The following CATSPERE variants were observed in gnomAD, a reference collection of about 807,000 sequenced individuals.
The protein encoded by CATSPERE is catsper channel auxiliary subunit epsilon, also known as cation channel sperm-associated auxiliary subunit epsilon.
Under a neutral mutation model 114.1 loss-of-function variants are expected in CATSPERE, and 93 were observed. The ratio of observed to expected loss-of-function variants is 0.81; its 90% CI spans 0.69 to 0.97. The LOEUF is 0.97. Ranked by LOEUF, CATSPERE falls within the 50% of genes least tolerant of loss-of-function variation. The pLI is 0.00. For synonymous variants in CATSPERE, 341 were observed against 384.1 expected, an observed-to-expected ratio of 0.89 and a Z score of 1.31; for missense variants, 1,058 against 1,131.6, an observed-to-expected ratio of 0.93 and a Z score of 0.93.
intron 10 of CATSPERE, among the ~76,000 whole-genome samples, chr1:244,569,012 G>A (rs1664037088): frequency 6.6e-6 from 1 of 152,214 alleles, no homozygotes; most frequent in Non-Finnish European, 1.5e-5. Flanking sequence ...ACCTGAGGGA[G>A]TCTCCTGGTC....
chr1:244,579,787 CTG>C (rs1197713052), intron 11 of CATSPERE, among the ~76,000 whole-genome samples: 1 of 152,164 alleles, frequency 6.6e-6, no homozygotes, highest in African/African-American at 2.4e-5. Flanking sequence ...GTTTTTAAAT[CTG>C]TAATTCTCTC....
chr1:244,528,340 A>G (rs1469258523), intron 8 of CATSPERE, among the ~76,000 whole-genome samples: 1 of 152,224 alleles, frequency 6.6e-6, no homozygotes, highest in Non-Finnish European at 1.5e-5. Flanking sequence ...ACAAAGCAAC[A>G]CTAATCAGTA....
At chr1:244,574,446 T>A (rs1664939512) in intron 11 of CATSPERE, among the ~76,000 whole-genome samples, 1 of 152,154 alleles carries the variant, frequency 6.6e-6, no homozygotes, top group African/African-American at 2.4e-5. Flanking sequence ...CTAACACTTA[T>A]GATTTATTCT....
intron 8 of CATSPERE, among the ~76,000 whole-genome samples, chr1:244,547,335 T>C (rs3003231): frequency 0.87 from 132,241 of 152,062 alleles, 58,486 homozygotes; most frequent in East Asian, 1. Context: ...AGGAGTGCAT[T>C]GAGCTGAAAG....
At chr1:244,541,812 G>T (rs1658799493) in intron 8 of CATSPERE, among the ~76,000 whole-genome samples, 1 of 140,360 alleles carries the variant, frequency 7.1e-6, no homozygotes, top group African/African-American at 2.7e-5. Flanking sequence ...ATACACCATG[G>T]AATACTATGC....
intron 2 of CATSPERE, among the ~76,000 whole-genome samples, chr1:244,466,751 G>C (rs1667658145): frequency 6.6e-6 from 1 of 152,160 alleles, no homozygotes; most frequent in African/African-American, 2.4e-5. Flanking sequence ...TCAAAAAGTT[G>C]CTGTTGCCAC....
intron 8 of CATSPERE, among the ~76,000 whole-genome samples, chr1:244,536,331 G>C (rs1479338684): frequency 6.6e-6 from 1 of 152,054 alleles, no homozygotes; most frequent in East Asian, 1.9e-4. Flanking sequence ...ACTAGATCTT[G>C]CCTAGGAGTT....
intron 8 of CATSPERE, among the ~76,000 whole-genome samples, chr1:244,533,537 T>G (rs1558445744): frequency 6.6e-6 from 1 of 152,134 alleles, no homozygotes; most frequent in South Asian, 2.1e-4. Flanking sequence ...TGTTGTATGT[T>G]ATTTAAGACT....
At chr1:244,594,557 C>T (rs1668137778) in intron 17 of CATSPERE, among the ~76,000 whole-genome samples, 1 of 152,090 alleles carries the variant, frequency 6.6e-6, no homozygotes, top group African/African-American at 2.4e-5. Flanking sequence ...TAGTGAATAT[C>T]CATTCATGTA....
At chr1:244,464,691 A>T (rs1386210676) in intron 2 of CATSPERE, among the ~76,000 whole-genome samples, 1 of 151,746 alleles carries the variant, frequency 6.6e-6, no homozygotes, top group African/African-American at 2.4e-5. Flanking sequence ...TTTTTTTACC[A>T]ATCTCATTAT....
At position 244,551,277 on chromosome 1, in the gene CATSPERE, G is replaced by A. The variant is rs376006613; in HGVS notation, c.537-1045G>A. 7.8e-4 allele frequency among the ~76,000 whole-genome samples: 119 copies of A among 152,274 alleles called. 1 individual carries two copies. The South Asian group carries it at 0.023, about 29-fold the overall frequency. Reference sequence around the variant, plus strand: ...CAAAGCATGAGATCCTGTAAATGGCGGCTAAGAGAGACAGTAATGAAGGGA... The same window carrying A: ...CAAAGCATGAGATCCTGTAAATGGCAGCTAAGAGAGACAGTAATGAAGGGA... On this transcript the variant is annotated intron_variant, in intron 8 of 21. Transcript: ENST00000366534.
At chr1:244,455,773 C>T (rs1666101824) in intron 1 of CATSPERE, among the ~76,000 whole-genome samples, 1 of 151,850 alleles carries the variant, frequency 6.6e-6, no homozygotes, top group Admixed American at 6.6e-5. Context: ...TTGGGAAAAA[C>T]AGGAGGCACC....
At chr1:244,507,619 C>T (rs990161305) in intron 7 of CATSPERE, among the ~76,000 whole-genome samples, 4 of 152,160 alleles carry the variant, frequency 2.6e-5, no homozygotes, top group Admixed American at 1.3e-4. Context: ...AGTTTCATGT[C>T]TTACCTTTAA....
chr1:244,580,118 C>T (rs568875642), intron 11 of CATSPERE, among the ~76,000 whole-genome samples: 3 of 152,168 alleles, frequency 2.0e-5, no homozygotes, highest in African/African-American at 7.2e-5. Flanking sequence ...TTCACCGCAA[C>T]CTCTGCTCCC....
chr1:244,481,145 T>C (rs1670204768), intron 5 of CATSPERE, among the ~76,000 whole-genome samples: 1 of 152,108 alleles, frequency 6.6e-6, no homozygotes, highest in Non-Finnish European at 1.5e-5. Flanking sequence ...AGAATGAGAC[T>C]CTGTCTCATA....
intron 5 of CATSPERE, among the ~76,000 whole-genome samples, chr1:244,487,010 T>C (rs1241175291): frequency 1.7e-4 from 19 of 113,712 alleles, no homozygotes; most frequent in South Asian, 3.2e-4. Flanking sequence ...GGTGGGTGGT[T>C]CAGCATGTGG....
chr1:244,600,920 C>T (rs1193375110), intron 17 of CATSPERE, among the ~76,000 whole-genome samples: 3 of 152,062 alleles, frequency 2.0e-5, no homozygotes, highest in Admixed American at 6.5e-5. Context: ...CCCATGAGGG[C>T]GAGTCAGCAG....
chr1:244,513,647 G>T (rs970742442), intron 7 of CATSPERE, among the ~76,000 whole-genome samples: 3 of 152,166 alleles, frequency 2.0e-5, no homozygotes, highest in East Asian at 1.9e-4. Context: ...GAGCAGGGTG[G>T]ATCTATCCCT....
Position 244,504,989 on chromosome 1 carries a change from T to A in CATSPERE, c.429+5910T>A, listed in dbSNP as rs1455739262. Reference sequence around the variant, plus strand: ...AAACTTGTCTTATCCCTGATTTATTTATTTACTTATTCAATCATTTATTTA... The same window carrying A: ...AAACTTGTCTTATCCCTGATTTATTAATTTACTTATTCAATCATTTATTTA... On this transcript the variant is annotated intron_variant, in intron 7 of 21. Coordinates refer to ENST00000366534, the MANE Select transcript of CATSPERE (RefSeq NM_001130957.2). The surrounding 1 kb of genome is among the most constrained non-coding windows in gnomAD (Gnocchi z 4.1). Among the ~76,000 whole-genome samples, 1 of 152,260 alleles carries A rather than the reference T, an allele frequency of 6.6e-6. No homozygotes were observed. The highest frequency in any genetic ancestry group is 1.5e-5 in the Non-Finnish European group (1 of 68,048).
Sources: gnomAD v4.1 joint callset for allele counts (sites outside exome capture counted in the v4.1 genomes callset) on GRCh38, gnomAD v4.1.1 for gene constraint, Gnocchi (gnomAD v3.1) non-coding constraint, MANE v1.5 for transcripts, NCBI Gene and HGNC (gene_info 2026-07-23, HGNC 2026-07-21) for gene names.